The following NTNG2 variants were observed in gnomAD, a reference collection of about 807,000 sequenced individuals.
The protein encoded by NTNG2 is netrin G2.
In NTNG2, 15 loss-of-function variants were observed where a neutral mutation model predicts 47.6. The ratio of observed to expected loss-of-function variants is 0.32; its 90% CI spans 0.21 to 0.49. The LOEUF (loss-of-function observed/expected upper bound fraction) is 0.49, where lower values mean the gene tolerates loss of function less well. Ranked by LOEUF, NTNG2 falls within the 20% of genes least tolerant of loss-of-function variation. The pLI, the probability that NTNG2 is intolerant of heterozygous loss-of-function variation, is 0.99. For missense variants in NTNG2, 578 were observed against 764.6 expected (o/e 0.76, Z 2.88); for synonymous variants, 307 against 324.6 (o/e 0.95, Z 0.58).
chr9:132,230,068 C>G (rs1887625), intron 4 of NTNG2, among the ~76,000 whole-genome samples: 1 of 152,152 alleles, frequency 6.6e-6, no homozygotes, highest in South Asian at 2.1e-4. Context: ...ACGATTTACG[C>G]AGGGGATGCT....
chr9:132,201,196 T>A (rs1838717871), intron 3 of NTNG2, among the ~76,000 whole-genome samples: 1 of 152,298 alleles, frequency 6.6e-6, no homozygotes, highest in East Asian at 1.9e-4. Flanking sequence ...CCCAGCAGGG[T>A]GACCTGGGGT....
intron 5 of NTNG2, among the ~76,000 whole-genome samples, chr9:132,234,303 C>A (rs1841463372): frequency 6.6e-6 from 1 of 152,236 alleles, no homozygotes; most frequent in South Asian, 2.1e-4. Context: ...GCTGGGATTC[C>A]AGGCGTGAGC....
rs1835105012 is a variant in NTNG2 at position 132,162,469 on chromosome 9, C to T, written c.-484+230C>T. The stretch of plus-strand genomic sequence containing the variant: ...GTGTGTGAGGGTGCGTTCTTAGCAG[C>T]ATCTTAAAGGGGTAGCTTGTCTTTC... On this transcript the variant is annotated intron_variant, in intron 1 of 7. Transcript: ENST00000393229. This position sits in a 1 kb window ranked among gnomAD's most constrained non-coding sequence, Gnocchi z 4.6. Among the ~76,000 whole-genome samples the T allele has an allele frequency of 6.6e-6, 1 of 151,706 alleles. No homozygotes were observed. Among genetic ancestry groups the T allele is most frequent in the Non-Finnish European group, 1.5e-5 (1 of 67,986 alleles).
intron 3 of NTNG2, among the ~76,000 whole-genome samples, chr9:132,206,307 C>T (rs1034272264): frequency 1.3e-5 from 2 of 152,160 alleles, no homozygotes; most frequent in Non-Finnish European, 2.9e-5. Flanking sequence ...CAAAGGGGGT[C>T]CATGATCCCA....
At chr9:132,195,306 T>C (rs182469379) in intron 2 of NTNG2, among the ~76,000 whole-genome samples, 160 of 152,058 alleles carry the variant, frequency 1.1e-3, no homozygotes, top group African/African-American at 3.7e-3. Flanking sequence ...TTTTTTGTTT[T>C]CGTTTTTGTT....
rs1277804568 is a variant in NTNG2, at chr9:132,208,276, G to C, written c.857+9667G>C. On this transcript the variant is annotated intron_variant, in intron 3 of 7. Coordinates refer to ENST00000393229, the MANE Select transcript of NTNG2 (RefSeq NM_032536.4). The surrounding 1 kb of genome is among the most constrained non-coding windows in gnomAD (Gnocchi z 4.0). ...GCAGGACAGGTGCAGTGCCTTCTAA[G>C]GACTCAGTGTGATGTGGCTGTGGTG... 6.6e-6 allele frequency among the ~76,000 whole-genome samples: 1 copy of C among 152,128 alleles called. No individual in the cohort carries two copies. Among genetic ancestry groups the C allele is most frequent in the East Asian group, 1.9e-4 (1 of 5,188 alleles).
chr9:132,207,007 C>G (rs79777304), intron 3 of NTNG2, among the ~76,000 whole-genome samples: 1 of 152,246 alleles, frequency 6.6e-6, no homozygotes, highest in Non-Finnish European at 1.5e-5. Flanking sequence ...AGGGGCATCT[C>G]GGCCTTGGCC....
At chr9:132,232,591 G>A (rs1474638194) in intron 5 of NTNG2, 2 of 152,224 alleles carry the variant, frequency 1.3e-5, no homozygotes, top group African/African-American at 4.8e-5. Context: ...AGGTGCCAGG[G>A]GTCTGAAAGG....
In NTNG2 at chr9:132,241,152, CTA is replaced by C; in HGVS notation, c.1357+109_1357+110del. 6 of 1,281,704 alleles carry C rather than the reference CTA, an allele frequency of 4.7e-6. No individual in the cohort carries two copies. The South Asian group carries it at 9.4e-5, about 20-fold the overall frequency. The allele number at this position is 1,281,704 out of a possible 1,614,324, so 79.4% of individuals were successfully genotyped here. A position where few individuals can be genotyped will look rare whatever the true frequency, so the allele number is the denominator to read the frequency against. On this transcript the variant is annotated intron_variant, in intron 7 of 7. Coordinates refer to ENST00000393229, the MANE Select transcript of NTNG2 (RefSeq NM_032536.4). ...ACGGGGCAGGGGCGGTGGACTGGGC[CTA>C]GCAAGACGGGGCAGGGCCGGGGAAG...
intron 2 of NTNG2, among the ~76,000 whole-genome samples, chr9:132,194,271 C>G (rs1051189883): frequency 6.6e-6 from 1 of 152,188 alleles, no homozygotes; most frequent in Non-Finnish European, 1.5e-5. Flanking sequence ...GCCCATCACT[C>G]CTCCTCCCGA....
intron 2 of NTNG2, among the ~76,000 whole-genome samples, chr9:132,171,497 C>G (rs1289271563): frequency 6.6e-6 from 1 of 152,178 alleles, no homozygotes; most frequent in Non-Finnish European, 1.5e-5. Flanking sequence ...GTTGGAGTCT[C>G]CAGCATACAG....
Position 132,226,008 on chromosome 9 carries a change from G to T in NTNG2, c.858-841G>T, listed in dbSNP as rs745404153. 3.1e-4 allele frequency among the ~76,000 whole-genome samples: 47 copies of T among 152,090 alleles called. No individual in the cohort carries two copies. Among genetic ancestry groups the T allele is most frequent in the Non-Finnish European group, 1.2e-4 (8 of 68,024 alleles). Reference sequence around the variant, plus strand: ...ATTCAGGTTCAGTTGCTTTGGCTTCGGGTGGGGGTGTGTTCTTCTAGAGAC... The same window carrying T: ...ATTCAGGTTCAGTTGCTTTGGCTTCTGGTGGGGGTGTGTTCTTCTAGAGAC... On this transcript the variant is annotated intron_variant, in intron 3 of 7. Transcript: ENST00000393229. The surrounding 1 kb of genome is among the most constrained non-coding windows in gnomAD (Gnocchi z 4.8).
rs1008142458 is a variant in NTNG2, at chr9:132,243,877, C to G, written c.*1766C>G. 2.0e-5 allele frequency: 3 copies of G among 152,730 alleles called. No individual in the cohort carries two copies. Among genetic ancestry groups the G allele is most frequent in the African/African-American group, 7.2e-5 (3 of 41,468 alleles). The allele number at this position is 152,730 out of a possible 1,614,324, so 9.5% of individuals were successfully genotyped here. A position where few individuals can be genotyped will look rare whatever the true frequency, so the allele number is the denominator to read the frequency against. On this transcript the variant is annotated 3_prime_UTR_variant, in exon 8 of 8. Transcript: ENST00000393229. ...TGGCCTCCTCTCTCTGCTCCCACCCCCAGCACCCTGCTGACCCGGAAGTGC... is the reference window on the plus strand; with the variant it reads ...TGGCCTCCTCTCTCTGCTCCCACCCGCAGCACCCTGCTGACCCGGAAGTGC...
At chr9:132,241,668 C>T (rs1385149041) in intron 7 of NTNG2, among the ~76,000 whole-genome samples, 2 of 152,106 alleles carry the variant, frequency 1.3e-5, no homozygotes, top group Non-Finnish European at 2.9e-5. Flanking sequence ...GAGAGAGGGG[C>T]AGCGGTGGGA....
chr9:132,195,984 C>T (rs565356671), intron 2 of NTNG2, among the ~76,000 whole-genome samples: 2 of 152,004 alleles, frequency 1.3e-5, no homozygotes, highest in African/African-American at 2.4e-5. Flanking sequence ...TTGCCTGGGC[C>T]GATCTCAAAC....
chr9:132,200,143 T>C (rs1035260188), intron 3 of NTNG2, among the ~76,000 whole-genome samples: 1 of 152,062 alleles, frequency 6.6e-6, no homozygotes, highest in East Asian at 1.9e-4. Flanking sequence ...TGGCACATAA[T>C]ACGCACTAAA....
chr9:132,230,776 C>G (rs1022665655), intron 5 of NTNG2, among the ~76,000 whole-genome samples, 181 bp downstream of exon 5: 3 of 151,376 alleles, frequency 2.0e-5, no homozygotes, highest in Admixed American at 1.3e-4. Context: ...CACCTCCCCC[C>G]CTCCACCCAT....
Position 132,197,864 on chromosome 9 carries a change from C to T in NTNG2, c.214-102C>T. ...GAGCACAGGCCCTGTAGCCACAGAGCAGGTTTCTCGGTTCGCAGGCAGGGG... is the reference window on the plus strand; with the variant it reads ...GAGCACAGGCCCTGTAGCCACAGAGTAGGTTTCTCGGTTCGCAGGCAGGGG... On this transcript the variant is annotated intron_variant, in intron 2 of 7. Coordinates refer to ENST00000393229, the MANE Select transcript of NTNG2 (RefSeq NM_032536.4). The surrounding 1 kb of genome is among the most constrained non-coding windows in gnomAD (Gnocchi z 4.3). The T allele has an allele frequency of 9.0e-7, 1 of 1,113,150 alleles. No individual in the cohort carries two copies. Among genetic ancestry groups the T allele is most frequent in the Non-Finnish European group, 1.3e-6 (1 of 790,988 alleles). 69.0% of individuals were successfully genotyped at this position (1,113,150 alleles called of 1,614,324 possible). A position where few individuals can be genotyped will look rare whatever the true frequency, so the allele number is the denominator to read the frequency against.
intron 3 of NTNG2, among the ~76,000 whole-genome samples, chr9:132,217,025 C>T (rs895733805): frequency 2.0e-5 from 3 of 152,150 alleles, no homozygotes; most frequent in Non-Finnish European, 4.4e-5. Context: ...CTGAGAGAGA[C>T]GCAGGCAGCA....
Sources: allele counts gnomAD v4.1 joint callset (sites outside exome capture counted in the v4.1 genomes callset), GRCh38; gene constraint gnomAD v4.1.1; non-coding constraint Gnocchi (gnomAD v3.1); transcripts MANE v1.5; gene names NCBI Gene and HGNC (gene_info 2026-07-23, HGNC 2026-07-21).